The following DYSF variants were observed in gnomAD, a reference collection of about 807,000 sequenced individuals.
DYSF encodes dysferlin, also known as dystrophy-associated fer-1-like 1.
Under a neutral mutation model 274.9 loss-of-function variants are expected in DYSF, and 212 were observed. The ratio of observed to expected loss-of-function variants is 0.77; its 90% CI spans 0.69 to 0.86. The LOEUF is 0.86. Ranked by LOEUF, DYSF falls within the 40% of genes least tolerant of loss-of-function variation. The pLI is 0.00. For missense variants in DYSF, 2,666 were observed against 2,783.2 expected, an observed-to-expected ratio of 0.96 and a Z score of 0.95; for synonymous variants, 1,091 against 1,078.7, an observed-to-expected ratio of 1.01 and a Z score of -0.22.
intron 12 of DYSF, among the ~76,000 whole-genome samples, chr2:71,525,198 G>C (rs1415878654): frequency 2.0e-5 from 3 of 152,116 alleles, no homozygotes; most frequent in African/African-American, 7.2e-5. Context: ...GGGTTTCCCA[G>C]GTGAGTCTTT....
At chr2:71,554,706 GA>G (rs2091219263) in intron 21 of DYSF, among the ~76,000 whole-genome samples, 1 of 152,210 alleles carries the variant, frequency 6.6e-6, no homozygotes, top group African/African-American at 2.4e-5. Context: ...AGTGGCTGGG[GA>G]ATTGGGAAGC....
chr2:71,600,266 T>A (rs895278249), intron 33 of DYSF, among the ~76,000 whole-genome samples: 1 of 152,162 alleles, frequency 6.6e-6, no homozygotes, highest in African/African-American at 2.4e-5. Flanking sequence ...GTGATCACAG[T>A]TTCCCCATTT....
At chr2:71,494,323 C>T (rs1356077502) in intron 3 of DYSF, among the ~76,000 whole-genome samples, 1 of 152,168 alleles carries the variant, frequency 6.6e-6, no homozygotes, top group Non-Finnish European at 1.5e-5. Context: ...GATCTGGAGG[C>T]ACATGATGTT....
chr2:71,655,362 G>T (rs773215682), intron 42 of DYSF, among the ~76,000 whole-genome samples: 2 of 152,184 alleles, frequency 1.3e-5, no homozygotes, highest in African/African-American at 2.4e-5. Context: ...CTTCAAGGAA[G>T]AGACAGAATT....
At position 71,526,359 on chromosome 2, in the gene DYSF, C is replaced by A. The variant is rs373530549; in HGVS notation, c.1276+13C>A. 2 of 1,588,474 alleles carry A rather than the reference C, an allele frequency of 1.3e-6. No homozygotes were observed. Among genetic ancestry groups the A allele is most frequent in the South Asian group, 2.2e-5 (2 of 90,594 alleles). On this transcript the variant is annotated intron_variant, in intron 13 of 55. Coordinates refer to ENST00000410020, the MANE Select transcript of DYSF (RefSeq NM_001130987.2). ...GACTTGCCGCAGAGTGCGTGGGGCGCGCCCTTGGGTGGGAGGTCTGCAGGA... is the reference window on the plus strand; with the variant it reads ...GACTTGCCGCAGAGTGCGTGGGGCGAGCCCTTGGGTGGGAGGTCTGCAGGA...
At chr2:71,475,544 C>T (rs2152667783) in intron 1 of DYSF, among the ~76,000 whole-genome samples, 1 of 152,148 alleles carries the variant, frequency 6.6e-6, no homozygotes, top group African/African-American at 2.4e-5. Context: ...GGAGTCTTAC[C>T]AGAGGAGAGA....
intron 3 of DYSF, among the ~76,000 whole-genome samples, chr2:71,501,514 C>T (rs2084969050): frequency 6.6e-6 from 1 of 152,218 alleles, no homozygotes; most frequent in Admixed American, 6.5e-5. Flanking sequence ...TTCCCACCGT[C>T]CACCTCCAAA....
At chr2:71,568,369 G>C in intron 26 of DYSF, 31 bp downstream of exon 26, 1 of 1,611,540 alleles carries the variant, frequency 6.2e-7, no homozygotes, top group Non-Finnish European at 8.5e-7. Context: ...GCTGGGGAGA[G>C]CCAGGCCAGG....
At chr2:71,486,296 A>C (rs2083357685) in intron 3 of DYSF, among the ~76,000 whole-genome samples, 24 of 131,008 alleles carry the variant, frequency 1.8e-4, no homozygotes, top group Admixed American at 3.8e-4. Flanking sequence ...CCTCTTCCCC[A>C]CCTCCACCCT....
intron 12 of DYSF, among the ~76,000 whole-genome samples, chr2:71,522,578 C>T (rs1014084471): frequency 7.2e-5 from 11 of 152,118 alleles, no homozygotes; most frequent in African/African-American, 2.2e-4. Context: ...TTGAGGAGTC[C>T]GTCTCTTTCA....
At chr2:71,468,255 G>A (rs759675890) in intron 1 of DYSF, among the ~76,000 whole-genome samples, 32 of 152,216 alleles carry the variant, frequency 2.1e-4, no homozygotes, top group Non-Finnish European at 3.8e-4. Flanking sequence ...ACACTGGGCA[G>A]GGCACACATT....
At chr2:71,666,150 A>G (rs2095001330) in intron 47 of DYSF, among the ~76,000 whole-genome samples, 1 of 151,806 alleles carries the variant, frequency 6.6e-6, no homozygotes, top group Non-Finnish European at 1.5e-5. Context: ...CTTTTCCCAT[A>G]GAATGAGCAT....
At chr2:71,673,238 C>A (rs192971640) in intron 51 of DYSF, among the ~76,000 whole-genome samples, 90 of 152,306 alleles carry the variant, frequency 5.9e-4, no homozygotes, top group African/African-American at 2.1e-3. Flanking sequence ...CGCTGGAAAG[C>A]CCTAGTGACA....
intron 1 of DYSF, among the ~76,000 whole-genome samples, chr2:71,457,545 G>A (rs1352313193): frequency 6.6e-6 from 1 of 152,132 alleles, no homozygotes; most frequent in African/African-American, 2.4e-5. Context: ...GCCCCCCTCG[G>A]TCTGCACCTT....
intron 3 of DYSF, among the ~76,000 whole-genome samples, chr2:71,484,551 A>G (rs924859278): frequency 3.3e-5 from 5 of 152,206 alleles, no homozygotes; most frequent in African/African-American, 1.2e-4. Context: ...GTTTTAAAAT[A>G]TACAATAGAT....
At chr2:71,667,247 G>C in intron 47 of DYSF, 129 bp from the exon 48 acceptor site, 1 of 1,315,454 alleles carries the variant, frequency 7.6e-7, no homozygotes, top group Non-Finnish European at 1.1e-6. Context: ...ATCTGTGCTG[G>C]GGGTGAGGCT....
chr2:71,555,121 C>T (rs914005806), intron 21 of DYSF, among the ~76,000 whole-genome samples: 2 of 152,074 alleles, frequency 1.3e-5, no homozygotes, highest in African/African-American at 4.8e-5. Flanking sequence ...GTCCCACCTT[C>T]CCAGAGACTG....
chr2:71,617,356 CTT>C (rs2093907467), intron 40 of DYSF, among the ~76,000 whole-genome samples: 1 of 152,198 alleles, frequency 6.6e-6, no homozygotes, highest in South Asian at 2.1e-4. Context: ...AGACCAAACT[CTT>C]GGAGTCTCCT....
At chr2:71,542,416 C>T (rs909078801) in intron 17 of DYSF, among the ~76,000 whole-genome samples, 7 of 149,854 alleles carry the variant, frequency 4.7e-5, no homozygotes, top group South Asian at 2.1e-4. Flanking sequence ...GGGTGTTTCT[C>T]GCAGAGGGGG....
Sources: allele counts gnomAD v4.1 joint callset (sites outside exome capture counted in the v4.1 genomes callset), GRCh38; gene constraint gnomAD v4.1.1; transcripts MANE v1.5; gene names NCBI Gene and HGNC (gene_info 2026-07-23, HGNC 2026-07-21).